GABRG3: variants seen among roughly 807,000 people sequenced by gnomAD.
The protein encoded by GABRG3 is gamma-aminobutyric acid receptor subunit gamma-3.
A neutral mutation model predicts 48.8 loss-of-function variants in GABRG3; 25 were observed. The ratio of observed to expected loss-of-function variants is 0.51; its 90% confidence interval spans 0.37 to 0.72. The LOEUF (loss-of-function observed/expected upper bound fraction) is 0.72, where lower values mean the gene tolerates loss of function less well. Ranked by LOEUF, GABRG3 falls within the 30% of genes least tolerant of loss-of-function variation. The pLI is 0.00. For missense variants in GABRG3, 394 were observed against 577.9 expected (o/e 0.68, Z 3.26); for synonymous variants, 227 against 217.6 (o/e 1.04, Z -0.38).
chr15:27,476,516 T>G (rs988821139), intron 5 of GABRG3, among the ~76,000 whole-genome samples: 4 of 151,850 alleles, frequency 2.6e-5, no homozygotes, highest in African/African-American at 7.3e-5. Context: ...AGTTGAAAAG[T>G]ACAATGACTG....
Position 27,326,884 on chromosome 15 carries a change from C to G in GABRG3, c.346C>G (p.Leu116Val), listed in dbSNP as rs767523541. ...TCGATTCAACAGCACAATGAAAATT[C>G]TTACTCTGAACAGCAACATGGTGGG... Reference protein sequence around the residue: ...RLRFNSTMKILTLNSNMVGLI... With the variant: ...RLRFNSTMKIVTLNSNMVGLI... The change falls in exon 4 of 10, where the codon CTT becomes GTT. Residue 116 changes from leucine to valine, a missense_variant. Leu to Val is a conservative substitution (Grantham distance 32, BLOSUM62 1). Around this residue, in one of 3 missense-constraint regions of GABRG3, gnomAD observed 218 missense variants for 309.9 expected, o/e 0.70. Transcript: ENST00000615808. The G allele has an allele frequency of 6.2e-7, 1 of 1,614,000 alleles. No individual in the cohort carries two copies. The highest frequency in any genetic ancestry group is 8.5e-7 in the Non-Finnish European group (1 of 1,179,892).
At chr15:26,979,359 G>T (rs1459269682) in intron 2 of GABRG3, among the ~76,000 whole-genome samples, 2 of 152,124 alleles carry the variant, frequency 1.3e-5, no homozygotes, top group East Asian at 3.9e-4. Flanking sequence ...TGTTGCACTG[G>T]CTAGAACTCC....
chr15:27,344,054 A>T (rs1428313257), intron 5 of GABRG3, among the ~76,000 whole-genome samples: 1 of 152,244 alleles, frequency 6.6e-6, no homozygotes, highest in Non-Finnish European at 1.5e-5. Context: ...TTGCATAAAA[A>T]GGAGGACATT....
intron 3 of GABRG3, among the ~76,000 whole-genome samples, chr15:27,215,318 C>T (rs753370932): frequency 2.6e-5 from 4 of 152,180 alleles, no homozygotes; most frequent in Non-Finnish European, 4.4e-5. Flanking sequence ...GGTGCTCTGA[C>T]TTTGCTGCCC....
chr15:27,499,232 A>T (rs1455503634), intron 6 of GABRG3, among the ~76,000 whole-genome samples: 2 of 152,224 alleles, frequency 1.3e-5, no homozygotes, highest in African/African-American at 2.4e-5. Flanking sequence ...AACTCAGATC[A>T]ATGAAGTGGT....
At chr15:27,157,109 G>A (rs1034265097) in intron 3 of GABRG3, among the ~76,000 whole-genome samples, 5 of 152,184 alleles carry the variant, frequency 3.3e-5, no homozygotes, top group Admixed American at 2.6e-4. Context: ...TGCACTTGCA[G>A]GTAGAGAGTA....
intron 2 of GABRG3, among the ~76,000 whole-genome samples, chr15:27,010,833 TTTTG>T (rs888019555): frequency 3.3e-5 from 5 of 151,992 alleles, no homozygotes; most frequent in Non-Finnish European, 7.4e-5. Flanking sequence ...CTGAGGTTGT[TTTTG>T]TTTGTTTGTT....
In GABRG3 at chr15:27,499,448, T is replaced by TA. The variant is rs200637697; in HGVS notation, c.712+18668dup. Among the ~76,000 whole-genome samples, 771 of 152,246 alleles carry TA rather than the reference T, an allele frequency of 5.1e-3. 11 individuals carry two copies. The highest frequency in any genetic ancestry group is 0.016 in the African/African-American group (657 of 41,540). On this transcript the variant is annotated intron_variant, in intron 6 of 9. Transcript: ENST00000615808. ...GTCCCTGGCAAGAGGACACTCAATT[T>TA]AAAAAAAGTCCAGCCCCAGTCTGAG...
At chr15:27,379,657 T>C (rs1016294088) in intron 5 of GABRG3, among the ~76,000 whole-genome samples, 1 of 152,178 alleles carries the variant, frequency 6.6e-6, no homozygotes. Context: ...TTATTTCTCC[T>C]TCATTTTTGA....
intron 3 of GABRG3, among the ~76,000 whole-genome samples, chr15:27,251,552 T>A (rs970426582): frequency 1.3e-5 from 2 of 152,230 alleles, no homozygotes; most frequent in African/African-American, 2.4e-5. Flanking sequence ...TAGTACCATT[T>A]TGACTTGAAA....
chr15:27,360,786 G>T (rs1894995324), intron 5 of GABRG3, among the ~76,000 whole-genome samples: 1 of 152,214 alleles, frequency 6.6e-6, no homozygotes, highest in South Asian at 2.1e-4. Context: ...CCACATTAGT[G>T]TTAACCTGTC....
Position 27,424,674 on chromosome 15 carries a change from C to T in GABRG3, c.575-55976C>T, listed in dbSNP as rs1340478339. On this transcript the variant is annotated intron_variant, in intron 5 of 9. Transcript: ENST00000615808. ...GTTCAAGCAATTCTCCTGCCTCAGC[C>T]TCCCGAGTAGTTGAGACTACAGACG... Among the ~76,000 whole-genome samples, 3 of 151,916 alleles carry T rather than the reference C, an allele frequency of 2.0e-5. No individual in the cohort carries two copies. In the East Asian group the frequency reaches 5.8e-4, roughly 29 times the overall value.
At chr15:27,014,579 C>T (rs1895744707) in intron 2 of GABRG3, among the ~76,000 whole-genome samples, 1 of 152,050 alleles carries the variant, frequency 6.6e-6, no homozygotes, top group East Asian at 1.9e-4. Context: ...TATTCAATTT[C>T]CATATATTTG....
intron 3 of GABRG3, among the ~76,000 whole-genome samples, chr15:27,104,123 T>G (rs1897408203): frequency 6.6e-6 from 1 of 152,266 alleles, no homozygotes. Flanking sequence ...CCCTTGCCTT[T>G]TAGTGTTTCA....
At chr15:27,030,946 A>G (rs539246027) in intron 3 of GABRG3, among the ~76,000 whole-genome samples, 5 of 152,200 alleles carry the variant, frequency 3.3e-5, no homozygotes, top group East Asian at 1.9e-4. Context: ...TGTTAGGATT[A>G]CTTTTCTGTG....
At chr15:27,004,003 G>A (rs1468313402) in intron 2 of GABRG3, among the ~76,000 whole-genome samples, 1 of 149,464 alleles carries the variant, frequency 6.7e-6, no homozygotes, top group Admixed American at 6.6e-5. Context: ...CTCCCTCCCG[G>A]ACGGGGCGGC....
At chr15:27,332,492 CCACTG>C (rs1893835603) in intron 5 of GABRG3, among the ~76,000 whole-genome samples, 1 of 151,944 alleles carries the variant, frequency 6.6e-6, no homozygotes. Flanking sequence ...CGAGATCACG[CCACTG>C]CACTCCAGCC....
intron 5 of GABRG3, among the ~76,000 whole-genome samples, chr15:27,379,466 A>G (rs1328656589): frequency 2.0e-5 from 3 of 152,234 alleles, no homozygotes; most frequent in Non-Finnish European, 2.9e-5. Context: ...TCAATTAAGA[A>G]TAAGAAAAAT....
chr15:27,328,956 T>C, intron 5 of GABRG3, 68 bp downstream of exon 5: 3 of 1,249,416 alleles, frequency 2.4e-6, no homozygotes, highest in Non-Finnish European at 3.5e-6. Context: ...ACTGCTTCTG[T>C]CAAACAGTCA....
Sources: gnomAD v4.1 joint callset for allele counts (sites outside exome capture counted in the v4.1 genomes callset) on GRCh38, gnomAD v4.1.1 for gene constraint, gnomAD v4.1.1 regional missense constraint, MANE v1.5 for transcripts, NCBI Gene and HGNC (gene_info 2026-07-23, HGNC 2026-07-21) for gene names.